CPB2: variants seen among roughly 807,000 people sequenced by gnomAD.
CPB2 encodes the protein carboxypeptidase B2.
CPB2 carries 54 observed loss-of-function variants against 57.0 expected under a neutral mutation model. The observed-to-expected ratio is 0.95, with a 90% confidence interval of 0.76 to 1.19. The LOEUF (loss-of-function observed/expected upper bound fraction) is 1.19. Among genes scored for constraint, CPB2 ranks in the 50% most tolerant of loss-of-function variants. CPB2 has a pLI of 0.00. For missense variants in CPB2, 426 were observed against 512.0 expected, an observed-to-expected ratio of 0.83 and a Z score of 1.62; for synonymous variants, 189 against 178.1, an observed-to-expected ratio of 1.06 and a Z score of -0.49.
intron 2 of CPB2, among the ~76,000 whole-genome samples, chr13:46,085,422 G>T: frequency 6.6e-6 from 1 of 152,148 alleles, no homozygotes; most frequent in East Asian, 1.9e-4. Context: ...GGTGTTTTCA[G>T]TGGCTGCCCT....
chr13:46,059,019 C>T (rs2044735272), intron 8 of CPB2, among the ~76,000 whole-genome samples: 1 of 152,234 alleles, frequency 6.6e-6, no homozygotes, highest in African/African-American at 2.4e-5. Context: ...GCATCTGACA[C>T]AAGAGATTAT....
intron 1 of CPB2, among the ~76,000 whole-genome samples, chr13:46,096,953 T>A (rs894900493): frequency 6.6e-6 from 1 of 151,710 alleles, no homozygotes; most frequent in Non-Finnish European, 1.5e-5. Flanking sequence ...TCATGGAGAG[T>A]GGCAAGTGAC....
At chr13:46,086,142 A>G (rs1052909404) in intron 2 of CPB2, among the ~76,000 whole-genome samples, 5 of 152,110 alleles carry the variant, frequency 3.3e-5, no homozygotes, top group Non-Finnish European at 5.9e-5. Flanking sequence ...AGAGCCCTAA[A>G]GAGGGTGTCA....
intron 6 of CPB2, among the ~76,000 whole-genome samples, chr13:46,072,431 C>T (rs1299056109): frequency 3.3e-5 from 5 of 152,164 alleles, no homozygotes; most frequent in African/African-American, 7.2e-5. Flanking sequence ...GTTTAAATGT[C>T]GATTTAAAAA....
At chr13:46,080,934 C>T (rs1321264237) in intron 4 of CPB2, among the ~76,000 whole-genome samples, 1 of 144,106 alleles carries the variant, frequency 6.9e-6, no homozygotes, top group African/African-American at 2.6e-5. Context: ...ATCATGCTAT[C>T]GCACTCCAGC....
chr13:46,064,664 A>G lies in CPB2; in HGVS notation c.780T>C (p.Ala260=). 1 of 1,614,082 alleles carries G rather than the reference A, an allele frequency of 6.2e-7. No individual in the cohort carries two copies. The highest frequency in any genetic ancestry group is 8.5e-7 in the Non-Finnish European group (1 of 1,179,910). ...ACAACCTACCACACCAGTGTTTGGA[A>G]GCAAAGTTCCTATTCAGGTCTGTTC... is the stretch of plus-strand genomic sequence containing the variant. ...CIGTDLNRNF[A]SKHWCEEGAS... is the part of the protein sequence containing the mutation. The change falls in exon 8 of 11, where the codon GCT becomes GCC. Residue 260 remains alanine (A), a synonymous_variant. Coordinates refer to ENST00000181383, the MANE Select transcript of CPB2 (RefSeq NM_001872.5).
At chr13:46,067,145 T>C (rs1215090385) in intron 7 of CPB2, among the ~76,000 whole-genome samples, 162 bp downstream of exon 7, 1 of 151,590 alleles carries the variant, frequency 6.6e-6, no homozygotes, top group Non-Finnish European at 1.5e-5. Flanking sequence ...ACTACACAAT[T>C]ATGTGCACTT....
At position 46,083,831 on chromosome 13, in the gene CPB2, T is replaced by C. The variant is rs540241471; in HGVS notation, c.275+388A>G. 4.6e-5 allele frequency among the ~76,000 whole-genome samples: 7 copies of C among 152,242 alleles called. No individual in the cohort carries two copies. The East Asian group carries it at 1.3e-3, about 29-fold the overall frequency. ...AGACATTCAGAAATGGTCACTGTCT[T>C]TGTGAAGAAGAATTAGCAGAAGCTA... On this transcript the variant is annotated intron_variant, in intron 3 of 10. Transcript: ENST00000181383.
intron 1 of CPB2, among the ~76,000 whole-genome samples, chr13:46,095,349 G>A (rs1228254128): frequency 6.6e-6 from 1 of 151,792 alleles, no homozygotes; most frequent in Non-Finnish European, 1.5e-5. Flanking sequence ...TCCTTGAGGG[G>A]AAATGACAAA....
intron 5 of CPB2, among the ~76,000 whole-genome samples, chr13:46,077,176 A>G (rs1237157914): frequency 6.6e-6 from 1 of 152,186 alleles, no homozygotes; most frequent in Non-Finnish European, 1.5e-5. Context: ...CTATCCAGCC[A>G]ACAGGGACTT....
At chr13:46,077,844 A>G (rs1566407454) in intron 5 of CPB2, among the ~76,000 whole-genome samples, 1 of 152,174 alleles carries the variant, frequency 6.6e-6, no homozygotes, top group Non-Finnish European at 1.5e-5. Flanking sequence ...GTAGGGAAAG[A>G]CAAATACTAC....
At chr13:46,089,281 A>G (rs1292757366) in intron 1 of CPB2, among the ~76,000 whole-genome samples, 1 of 152,136 alleles carries the variant, frequency 6.6e-6, no homozygotes, top group Non-Finnish European at 1.5e-5. Flanking sequence ...ATGTTGGTTC[A>G]TCAACACCAC....
intron 5 of CPB2, among the ~76,000 whole-genome samples, chr13:46,076,451 G>A (rs1370661525): frequency 6.8e-6 from 1 of 148,142 alleles, no homozygotes; most frequent in Non-Finnish European, 1.5e-5. Flanking sequence ...CTACAATTAA[G>A]ACCATAGAAC....
In CPB2 at chr13:46,082,502, T is replaced by C. The variant is rs201278346; in HGVS notation, c.323A>G (p.Asn108Ser). 2.5e-6 allele frequency: 4 copies of C among 1,613,868 alleles called. No individual in the cohort carries two copies. The highest frequency in any genetic ancestry group is 1.6e-4 in the Middle Eastern group (1 of 6,062). Residue 108 changes from asparagine (N) to serine (S), a missense_variant, in exon 4 of 11, where the codon AAC becomes AGC. Physicochemically the swap from Asn to Ser is conservative, Grantham distance 46 (BLOSUM62 1). Transcript: ENST00000181383. ...GGAGGCTCGGGGGCTGACTGTGTCGTTGGAAATCTGCTGTTGAATAAGATC... is the reference window on the plus strand; with the variant it reads ...GGAGGCTCGGGGGCTGACTGTGTCGCTGGAAATCTGCTGTTGAATAAGATC... ...VEDLIQQQIS[N>S]DTVSPRASAS...
intron 4 of CPB2, among the ~76,000 whole-genome samples, chr13:46,081,492 T>A (rs1355219273): frequency 6.6e-6 from 1 of 151,418 alleles, no homozygotes; most frequent in African/African-American, 2.4e-5. Flanking sequence ...AAAGGGGGGG[T>A]GCAATTTTAA....
At chr13:46,084,975 C>T (rs564442129) in intron 2 of CPB2, among the ~76,000 whole-genome samples, 2 of 151,940 alleles carry the variant, frequency 1.3e-5, no homozygotes, top group Non-Finnish European at 1.5e-5. Flanking sequence ...CTCAGCCTCC[C>T]GGGTAGCTGG....
intron 6 of CPB2, among the ~76,000 whole-genome samples, chr13:46,068,585 C>A (rs1271408567): frequency 1.3e-5 from 2 of 151,970 alleles, no homozygotes; most frequent in Admixed American, 6.6e-5. Flanking sequence ...GATACATGTG[C>A]AGAACATGCA....
chr13:46,104,646 C>T (rs190883687), intron 1 of CPB2, among the ~76,000 whole-genome samples: 60 of 152,188 alleles, frequency 3.9e-4, no homozygotes, highest in African/African-American at 1.4e-3. Flanking sequence ...TAAATAGTTA[C>T]GTTTATAAAA....
intron 6 of CPB2, among the ~76,000 whole-genome samples, chr13:46,072,459 T>G (rs955685947): frequency 1.3e-5 from 2 of 152,192 alleles, no homozygotes; most frequent in African/African-American, 4.8e-5. Context: ...TTGATTATGT[T>G]TCTTTGGGCT....
Sources: gnomAD v4.1 joint callset for allele counts (sites outside exome capture counted in the v4.1 genomes callset) on GRCh38, gnomAD v4.1.1 for gene constraint, MANE v1.5 for transcripts, NCBI Gene and HGNC (gene_info 2026-07-23, HGNC 2026-07-21) for gene names.